Variants in SRRM2 observed in about 807,000 individuals in gnomAD.
SRRM2 encodes serine/arginine repetitive matrix 2, also known as serine/arginine repetitive matrix protein 2.
A neutral mutation model predicts 213.8 loss-of-function variants in SRRM2; 30 were observed. The ratio of observed to expected loss-of-function variants is 0.14; its 90% CI spans 0.10 to 0.19. The LOEUF (loss-of-function observed/expected upper bound fraction) is 0.19, where lower values mean the gene tolerates loss of function less well. Ranked by LOEUF, SRRM2 falls within the 10% of genes least tolerant of loss-of-function variation. SRRM2 has a pLI of 1.00. For missense variants in SRRM2, 4,904 were observed against 3,647.0 expected, an observed-to-expected ratio of 1.34 and a Z score of -8.88; for synonymous variants, 2,025 against 1,377.7, an observed-to-expected ratio of 1.47 and a Z score of -10.40.
At position 2,757,908 on chromosome 16, in the gene SRRM2, G is replaced by A; in HGVS notation, c.478G>A (p.Ala160Thr). Residue 160 changes from alanine (A) to threonine (T), a missense_variant, in exon 4 of 15, where the codon GCT (alanine) becomes ACT (threonine). Transcript: ENST00000301740. Reference sequence around the variant, plus strand: ...TGATCCTCAGCGTCGTGCCCGAGAAGCTAAACAACCAGCTCCTGAGCCTCC... The same window carrying A: ...TGATCCTCAGCGTCGTGCCCGAGAAACTAAACAACCAGCTCCTGAGCCTCC... ...SFDPQRRARE[A>T]KQPAPEPPKP... is the part of the protein sequence containing the mutation. The A allele has an allele frequency of 6.2e-7, 1 of 1,614,136 alleles. No homozygotes were observed.
Position 2,762,366 on chromosome 16 carries a change from G to C in SRRM2, c.1838G>C (p.Gly613Ala). ...CGGTCTAGAACACCAGCCCGGAGGG[G>C]CAGGTCTCGGTCTAGAACACCTGCT... ...RSRSRTPARRGRSRSRTPARR... is the reference protein window; with the variant it reads ...RSRSRTPARRARSRSRTPARR... The change falls in exon 11 of 15, where the codon GGC becomes GCC. Residue 613 changes from glycine (G) to alanine (A), a missense_variant. Physicochemically the swap from Gly to Ala is moderately conservative, Grantham distance 60 (BLOSUM62 0). Transcript: ENST00000301740. 1 of 1,614,124 alleles carries C rather than the reference G, an allele frequency of 6.2e-7. No homozygotes were observed. The highest frequency in any genetic ancestry group is 8.5e-7 in the Non-Finnish European group (1 of 1,179,996).
intron 2 of SRRM2, 68 bp downstream of exon 2, chr16:2,756,674 A>T: frequency 6.5e-7 from 1 of 1,542,386 alleles, no homozygotes; most frequent in Non-Finnish European, 8.7e-7. Context: ...GGTGGGATGT[A>T]TAGGGAGCTT....
chr16:2,753,128 C>T (rs1371029566), intron 1 of SRRM2, among the ~76,000 whole-genome samples: 2 of 151,704 alleles, frequency 1.3e-5, no homozygotes, highest in Admixed American at 6.6e-5. Context: ...GGGCGCGCGC[C>T]TCGGCTTCAC....
In SRRM2 at chr16:2,760,335, G is replaced by A. The variant is rs190081047; in HGVS notation, c.868G>A (p.Ala290Thr). Residue 290 changes from alanine (A) to threonine (T), a missense_variant, in exon 10 of 15, where the codon GCC becomes ACC. Transcript: ENST00000301740. ...TGCTGCAGCTAAAACTCATACAACT[G>A]CCTTGGCTGGGCGAAGTCCTTCCCC... ...RSAAAKTHTT[A>T]LAGRSPSPAS... 54 of 1,613,952 alleles carry A rather than the reference G, an allele frequency of 3.3e-5. No homozygotes were observed. In the East Asian group the frequency reaches 4.7e-4, roughly 14 times the overall value.
rs749512557 is a variant in SRRM2, at chr16:2,771,313, TCCC to T, written c.*450_*452del. On this transcript the variant is annotated 3_prime_UTR_variant, in exon 15 of 15. Coordinates refer to ENST00000301740, the MANE Select transcript of SRRM2 (RefSeq NM_016333.4). ...TGTCCCCCATGAGGTTGTGAACCCC[TCCC>T]CCCAACTTTTCATGTTTCTTAAAGG... 7.4e-6 allele frequency: 9 copies of T among 1,214,094 alleles called. No individual in the cohort carries two copies. The highest frequency in any genetic ancestry group is 2.4e-5 in the South Asian group (2 of 81,674). The allele number at this position is 1,214,094 out of a possible 1,614,324, so 75.2% of individuals were successfully genotyped here. A position where few individuals can be genotyped will look rare whatever the true frequency, so the allele number is the denominator to read the frequency against.
At chr16:2,758,862 C>A in intron 5 of SRRM2, 123 bp from the exon 6 acceptor site, 1 of 1,024,784 alleles carries the variant, frequency 9.8e-7, no homozygotes, top group Non-Finnish European at 1.4e-6. Context: ...GGGCTTAGGT[C>A]TGGGGCATTA....
chr16:2,754,597 CCTTT>C (rs1246368278), intron 1 of SRRM2, among the ~76,000 whole-genome samples: 2 of 152,098 alleles, frequency 1.3e-5, no homozygotes, highest in African/African-American at 4.8e-5. Context: ...GCCTGGTTTT[CCTTT>C]CTTAAGGAGT....
At position 2,765,916 on chromosome 16, in the gene SRRM2, A is replaced by T; in HGVS notation, c.5388A>T (p.Ser1796=). The T allele has an allele frequency of 6.2e-7, 1 of 1,614,158 alleles. No homozygotes were observed. The highest frequency in any genetic ancestry group is 8.5e-7 in the Non-Finnish European group (1 of 1,180,028). Residue 1796 remains serine (S), a synonymous_variant, in exon 11 of 15, where the codon TCA becomes TCT. Coordinates refer to ENST00000301740, the MANE Select transcript of SRRM2 (RefSeq NM_016333.4). ...GAGATAGGTCTGGATCTTCTCAGTCAACCTCTCGGCGAAGACAGCGGAGCC... is the reference window on the plus strand; with the variant it reads ...GAGATAGGTCTGGATCTTCTCAGTCTACCTCTCGGCGAAGACAGCGGAGCC... The part of the protein sequence containing the change: ...RRRDRSGSSQ[S]TSRRRQRSRS...
At chr16:2,769,642 C>T (rs760068383) in intron 12 of SRRM2, 2 of 565,024 alleles carry the variant, frequency 3.5e-6, no homozygotes, top group African/African-American at 1.9e-5. Flanking sequence ...CTCCCTGTCT[C>T]CCCGTCTCCA....
At chr16:2,754,616 G>T (rs1315960092) in intron 1 of SRRM2, among the ~76,000 whole-genome samples, 1 of 152,110 alleles carries the variant, frequency 6.6e-6, no homozygotes, top group African/African-American at 2.4e-5. Flanking sequence ...AGGAGTGGGG[G>T]GATTTTTGTG....
rs1319225581 is a variant in SRRM2, at chr16:2,766,955, A to G, written c.6427A>G (p.Arg2143Gly). Residue 2143 changes from arginine to glycine, a missense_variant, in exon 11 of 15, where the codon AGA becomes GGA. Coordinates refer to ENST00000301740, the MANE Select transcript of SRRM2 (RefSeq NM_016333.4). The surrounding 1 kb of genome is among the most constrained non-coding windows in gnomAD (Gnocchi z 7.0). ...AATGCTTGAACCCCTTGGCAGCTCT[A>G]GAACACCCATGTCTGTCCTGCAGCA... The part of the protein sequence containing the change: ...PGMLEPLGSS[R>G]TPMSVLQQAG... 7 of 1,613,878 alleles carry G rather than the reference A, an allele frequency of 4.3e-6. No individual in the cohort carries two copies. The highest frequency in any genetic ancestry group is 1.3e-5 in the African/African-American group (1 of 74,862).
Position 2,766,042 on chromosome 16 carries a change from A to G in SRRM2, c.5514A>G (p.Arg1838=). The change falls in exon 11 of 15, where the codon CGA becomes CGG. Residue 1838 remains arginine, a synonymous_variant. Coordinates refer to ENST00000301740, the MANE Select transcript of SRRM2 (RefSeq NM_016333.4). This position sits in a 1 kb window ranked among gnomAD's most constrained non-coding sequence, Gnocchi z 7.0. ...GTTCCCGGACCTCCTCTCGACGCCG[A>G]AGAGGCCGCTCTCGGACACCCCCAA... is the stretch of plus-strand genomic sequence containing the variant. ...QESSRTSSRR[R]RGRSRTPPTS... is the part of the protein sequence containing the mutation. The G allele has an allele frequency of 1.9e-6, 3 of 1,613,952 alleles. No individual in the cohort carries two copies. The highest frequency in any genetic ancestry group is 2.5e-6 in the Non-Finnish European group (3 of 1,179,964).
In SRRM2 at chr16:2,765,830, C is replaced by T. The variant is rs200815139; in HGVS notation, c.5302C>T (p.Arg1768Cys). The T allele has an allele frequency of 5.9e-5, 95 of 1,614,056 alleles. 3 individuals carry two copies. The highest frequency in any genetic ancestry group is 5.7e-4 in the South Asian group (52 of 91,080). ...AGGCCGCTCTCCTTCGCCAAAGCCT[C>T]GTGGACTCCAGAGGTCCCGTTCCCG... The part of the protein sequence containing the change: ...RRGRSPSPKP[R>C]GLQRSRSRSR... The change falls in exon 11 of 15, where the codon CGT (arginine) becomes TGT (cysteine). Residue 1768 changes from arginine to cysteine, a missense_variant. Physicochemically the swap from Arg to Cys is radical, Grantham distance 180. Transcript: ENST00000301740.
At chr16:2,761,437 A>G (rs1567226379) in intron 10 of SRRM2, 124 bp from the exon 11 acceptor site, 12 of 685,720 alleles carry the variant, frequency 1.7e-5, no homozygotes, top group Non-Finnish European at 2.3e-5. Context: ...AATGAAAGTG[A>G]TCGCTTGTGG....
rs1293988134 is a variant in SRRM2 at position 2,757,958 on chromosome 16, A to G, written c.515+13A>G. ...CCAAACCTTACAGGTATACAAGGCCAAGAAACCACTGTCAGCTTCTTTTCT... is the reference window on the plus strand; with the variant it reads ...CCAAACCTTACAGGTATACAAGGCCGAGAAACCACTGTCAGCTTCTTTTCT... On this transcript the variant is annotated intron_variant, in intron 4 of 14. Transcript: ENST00000301740. The G allele has an allele frequency of 3.1e-6, 5 of 1,599,062 alleles. No individual in the cohort carries two copies. In the South Asian group the frequency reaches 3.3e-5, roughly 11 times the overall value.
In SRRM2 at chr16:2,766,149, G is replaced by A. The variant is rs748559368; in HGVS notation, c.5621G>A (p.Arg1874Gln). Reference protein sequence around the residue: ...SRSRASPATHRRSRSRTPLIS... With the variant: ...SRSRASPATHQRSRSRTPLIS... ...TCTCGAGCCTCTCCAGCCACTCACC[G>A]GCGATCCAGGTCCAGAACCCCCCTG... Residue 1874 changes from arginine to glutamine, a missense_variant, in exon 11 of 15, where the codon CGG (arginine) becomes CAG (glutamine). By Grantham distance (43) the Arg-to-Gln change is conservative. Transcript: ENST00000301740. The surrounding 1 kb of genome is among the most constrained non-coding windows in gnomAD (Gnocchi z 7.0). 13 of 1,613,900 alleles carry A rather than the reference G, an allele frequency of 8.1e-6. No homozygotes were observed. The highest frequency in any genetic ancestry group is 4.0e-5 in the African/African-American group (3 of 74,860).
In SRRM2 at chr16:2,764,562, C is replaced by A; in HGVS notation, c.4034C>A (p.Thr1345Asn). 6.2e-7 allele frequency: 1 copy of A among 1,614,196 alleles called. No individual in the cohort carries two copies. Among genetic ancestry groups the A allele is most frequent in the African/African-American group, 1.3e-5 (1 of 75,042 alleles). Residue 1345 changes from threonine (T) to asparagine (N), a missense_variant, in exon 11 of 15, where the codon ACT (threonine) becomes AAT (asparagine). Physicochemically the swap from Thr to Asn is moderately conservative, Grantham distance 65 (BLOSUM62 0). Coordinates refer to ENST00000301740, the MANE Select transcript of SRRM2 (RefSeq NM_016333.4). ...GGCCCACTTGGTACAGAAATGAATA[C>A]TGGATTTTCTTCTGAGGTTAAAGAA... Reference protein sequence around the residue: ...NSGPLGTEMNTGFSSEVKEDL... With the variant: ...NSGPLGTEMNNGFSSEVKEDL...
chr16:2,766,658 A>G lies in SRRM2; in HGVS notation c.6130A>G (p.Ser2044Gly). ...ACTGTTACCACGCAAACGTTCTCGA[A>G]GTCGCTCACCACTTGCTATCCGCCG... ...TPLLPRKRSR[S>G]RSPLAIRRRS... is the part of the protein sequence containing the mutation. Residue 2044 changes from serine to glycine, a missense_variant, in exon 11 of 15, where the codon AGT becomes GGT. Ser to Gly is a moderately conservative substitution (Grantham distance 56). Coordinates refer to ENST00000301740, the MANE Select transcript of SRRM2 (RefSeq NM_016333.4). This position sits in a 1 kb window ranked among gnomAD's most constrained non-coding sequence, Gnocchi z 7.0. 5 of 1,613,620 alleles carry G rather than the reference A, an allele frequency of 3.1e-6. No homozygotes were observed. Among genetic ancestry groups the G allele is most frequent in the South Asian group, 1.1e-5 (1 of 91,050 alleles).
At chr16:2,759,437 A>G in intron 8 of SRRM2, 35 bp downstream of exon 8, 1 of 1,595,450 alleles carries the variant, frequency 6.3e-7, no homozygotes, top group East Asian at 2.2e-5. Flanking sequence ...CTTAGGAAGT[A>G]AGTGAACGCC....
Sources: allele counts gnomAD v4.1 joint callset (sites outside exome capture counted in the v4.1 genomes callset), GRCh38; gene constraint gnomAD v4.1.1; non-coding constraint Gnocchi (gnomAD v3.1); transcripts MANE v1.5; gene names NCBI Gene and HGNC (gene_info 2026-07-23, HGNC 2026-07-21).